The following SESN1 variants were observed in gnomAD, a reference collection of about 807,000 sequenced individuals.
SESN1 encodes sestrin 1.
A neutral mutation model predicts 59.3 loss-of-function variants in SESN1; 30 were observed. The ratio of observed to expected loss-of-function variants is 0.51; its 90% CI spans 0.38 to 0.69. The LOEUF is 0.69. Ranked by LOEUF, SESN1 falls within the 30% of genes least tolerant of loss-of-function variation. The probability of loss-of-function intolerance (pLI) is 0.00; values close to 1 mark genes in which losing one functional copy is unlikely to be tolerated. For synonymous variants in SESN1, 197 were observed against 219.9 expected, an observed-to-expected ratio of 0.90 and a Z score of 0.92; for missense variants, 566 against 673.0, an observed-to-expected ratio of 0.84 and a Z score of 1.76.
At chr6:109,066,358 T>C (rs1251448561) in intron 1 of SESN1, among the ~76,000 whole-genome samples, 2 of 151,958 alleles carry the variant, frequency 1.3e-5, no homozygotes, top group Admixed American at 1.3e-4. Flanking sequence ...TAATTTTTAC[T>C]GGAGCAGTAG....
chr6:108,985,924 C>T lies in SESN1; in HGVS notation c.*1620G>A, dbSNP rs1160834542. Among the ~76,000 whole-genome samples the T allele has an allele frequency of 6.6e-6, 1 of 152,138 alleles. No individual in the cohort carries two copies. The stretch of plus-strand genomic sequence containing the variant: ...CTCTATTCCTAGCTAAGGTTATAGT[C>T]TTGTCTTCTCATGAGAGTAAATATC... On this transcript the variant is annotated 3_prime_UTR_variant, in exon 10 of 10. Coordinates refer to ENST00000436639, the MANE Select transcript of SESN1 (RefSeq NM_014454.3).
intron 1 of SESN1, among the ~76,000 whole-genome samples, chr6:109,004,576 G>A (rs1435734537): frequency 7.9e-5 from 12 of 151,872 alleles, no homozygotes; most frequent in Admixed American, 7.9e-4. Flanking sequence ...GACCACAGGC[G>A]TGTGCCGCCA....
In SESN1 at chr6:109,009,079, T is replaced by C. The variant is rs766406440; in HGVS notation, c.280-6736A>G. Reference sequence around the variant, plus strand: ...TACGTATTGGAGACTTTCATTTACATGACCGCGGCCGCAGTCTCTCCCAGC... The same window carrying C: ...TACGTATTGGAGACTTTCATTTACACGACCGCGGCCGCAGTCTCTCCCAGC... On this transcript the variant is annotated intron_variant, in intron 1 of 9. Transcript: ENST00000436639. 99 of 878,624 alleles carry C rather than the reference T, an allele frequency of 1.1e-4. 1 individual carries two copies. The highest frequency in any genetic ancestry group is 1.4e-4 in the Non-Finnish European group (96 of 680,682). The allele number at this position is 878,624 out of a possible 1,614,324, so 54.4% of individuals were successfully genotyped here. A position where few individuals can be genotyped will look rare whatever the true frequency, so the allele number is the denominator to read the frequency against.
chr6:109,005,418 T>G (rs7761290), intron 1 of SESN1, among the ~76,000 whole-genome samples: 14,948 of 152,162 alleles, frequency 0.098, 897 homozygotes, highest in Middle Eastern at 0.19. Context: ...TACATTAGCA[T>G]CATGAAAGGT....
In SESN1 at chr6:108,986,015, A is replaced by G. The variant is rs1779174967; in HGVS notation, c.*1529T>C. On this transcript the variant is annotated 3_prime_UTR_variant, in exon 10 of 10. Transcript: ENST00000436639. ...CCAACCCCTACTTCCACACTACCCC[A>G]TACATTTGTAGGCAGGCACTAGATT... 6.6e-6 allele frequency among the ~76,000 whole-genome samples: 1 copy of G among 152,224 alleles called. No homozygotes were observed. Among genetic ancestry groups the G allele is most frequent in the Non-Finnish European group, 1.5e-5 (1 of 67,998 alleles).
chr6:109,051,848 G>A (rs752705304), intron 1 of SESN1, among the ~76,000 whole-genome samples: 36 of 152,134 alleles, frequency 2.4e-4, no homozygotes, highest in Non-Finnish European at 4.6e-4. Context: ...GAAGACAGTC[G>A]AACAAAGGCA....
At chr6:109,062,159 G>C (rs1036539723) in intron 1 of SESN1, among the ~76,000 whole-genome samples, 2 of 152,166 alleles carry the variant, frequency 1.3e-5, no homozygotes, top group African/African-American at 4.8e-5. Context: ...CAGGTAGCTG[G>C]GACTACAGGC....
chr6:109,008,477 CAA>C (rs1271770397), intron 1 of SESN1, among the ~76,000 whole-genome samples: 1 of 152,176 alleles, frequency 6.6e-6, no homozygotes, highest in Non-Finnish European at 1.5e-5. Flanking sequence ...ACCTTCATGA[CAA>C]AGTGTCTTCA....
At chr6:109,020,084 C>G (rs747465530) in intron 1 of SESN1, among the ~76,000 whole-genome samples, 8 of 152,150 alleles carry the variant, frequency 5.3e-5, no homozygotes, top group African/African-American at 1.7e-4. Flanking sequence ...TCCCTAAGAA[C>G]AAAAACACAA....
chr6:109,027,737 C>G (rs780871510), intron 1 of SESN1, among the ~76,000 whole-genome samples: 1 of 152,086 alleles, frequency 6.6e-6, no homozygotes, highest in Non-Finnish European at 1.5e-5. Context: ...CTCCCCGTCC[C>G]ACAACAAAGC....
chr6:109,070,607 TC>T (rs1284275577), intron 1 of SESN1, among the ~76,000 whole-genome samples: 1 of 152,160 alleles, frequency 6.6e-6, no homozygotes, highest in Non-Finnish European at 1.5e-5. Context: ...CTCATTCCTG[TC>T]CCCAGCCAAT....
chr6:109,056,797 C>G (rs1231543108), intron 1 of SESN1, among the ~76,000 whole-genome samples: 1 of 152,190 alleles, frequency 6.6e-6, no homozygotes, highest in Non-Finnish European at 1.5e-5. Context: ...CCTGAAGGGA[C>G]TACATCCTGT....
chr6:109,013,807 A>C (rs1384753630), intron 1 of SESN1, among the ~76,000 whole-genome samples: 1 of 152,180 alleles, frequency 6.6e-6, no homozygotes, highest in Non-Finnish European at 1.5e-5. Context: ...AAAACGTTTC[A>C]TTTAGAACAA....
chr6:109,030,429 G>A (rs1308932827), intron 1 of SESN1, among the ~76,000 whole-genome samples: 1 of 152,168 alleles, frequency 6.6e-6, no homozygotes, highest in Non-Finnish European at 1.5e-5. Flanking sequence ...ATACCAAGGG[G>A]AAAAGACAGT....
intron 1 of SESN1, among the ~76,000 whole-genome samples, chr6:109,076,884 G>A (rs2114471556): frequency 6.6e-6 from 1 of 152,294 alleles, no homozygotes; most frequent in Non-Finnish European, 1.5e-5. Context: ...TATATTCTGA[G>A]AAATGTGTTG....
rs1252856452 is a variant in SESN1, at chr6:108,998,624, A to G, written c.861T>C (p.Asp287=). Reference sequence around the variant, plus strand: ...AAGGAGGTCTGAATGTGTGGCCACCATCACAATGAATTTCTGGACTGATTC... The same window carrying G: ...AAGGAGGTCTGAATGTGTGGCCACCGTCACAATGAATTTCTGGACTGATTC... The part of the protein sequence containing the change: ...GCGISPEIHC[D]GGHTFRPPSV... Residue 287 remains aspartate (D), a synonymous_variant, in exon 5 of 10, where the codon GAT becomes GAC. Transcript: ENST00000436639. 2 of 1,613,916 alleles carry G rather than the reference A, an allele frequency of 1.2e-6. No individual in the cohort carries two copies. The highest frequency in any genetic ancestry group is 2.7e-5 in the African/African-American group (2 of 74,942).
chr6:109,004,753 A>T (rs1779695753), intron 1 of SESN1, among the ~76,000 whole-genome samples: 1 of 148,660 alleles, frequency 6.7e-6, no homozygotes, highest in Admixed American at 6.6e-5. Context: ...AAAAATGAGC[A>T]AACAACACAG....
chr6:108,998,390 T>C (rs1779542436), intron 5 of SESN1, 123 bp downstream of exon 5: 3 of 1,106,796 alleles, frequency 2.7e-6, no homozygotes, highest in Non-Finnish European at 3.9e-6. Flanking sequence ...TGAATAGATA[T>C]AGGGGCCCAA....
intron 1 of SESN1, among the ~76,000 whole-genome samples, chr6:109,075,895 C>T (rs1562475130): frequency 6.6e-6 from 1 of 152,194 alleles, no homozygotes; most frequent in Non-Finnish European, 1.5e-5. Flanking sequence ...CTCTGAGGGT[C>T]TTTTTCCTCG....
Sources: gnomAD v4.1 joint callset for allele counts (sites outside exome capture counted in the v4.1 genomes callset) on GRCh38, gnomAD v4.1.1 for gene constraint, MANE v1.5 for transcripts, NCBI Gene and HGNC (gene_info 2026-07-23, HGNC 2026-07-21) for gene names.